The following PDE10A variants were observed in gnomAD, a reference collection of about 807,000 sequenced individuals.
PDE10A encodes cAMP and cAMP-inhibited cGMP 3',5'-cyclic phosphodiesterase 10A.
In PDE10A, 39 loss-of-function variants were observed where a neutral mutation model predicts 97.7. The ratio of observed to expected loss-of-function variants is 0.40; its 90% CI spans 0.31 to 0.52. The LOEUF (loss-of-function observed/expected upper bound fraction) is 0.52. PDE10A is among the 20% of genes least tolerant of loss of function. The pLI, the probability that PDE10A is intolerant of heterozygous loss-of-function variation, is 0.56. For missense variants in PDE10A, 731 were observed against 1,047.8 expected (o/e 0.70, Z 4.17); for synonymous variants, 371 against 376.8 (o/e 0.98, Z 0.18).
intron 1 of PDE10A, among the ~76,000 whole-genome samples, chr6:165,550,129 C>T (rs1265444475): frequency 2.0e-5 from 3 of 152,126 alleles, no homozygotes; most frequent in Non-Finnish European, 4.4e-5. Context: ...TGCCCTAAAA[C>T]ACGTCTTCCT....
chr6:165,707,759 G>A (rs1791754886), intron 1 of PDE10A, among the ~76,000 whole-genome samples: 1 of 152,032 alleles, frequency 6.6e-6, no homozygotes, highest in African/African-American at 2.4e-5. Context: ...GACTGAGTGT[G>A]TGAAAGTGTA....
intron 1 of PDE10A, among the ~76,000 whole-genome samples, chr6:165,893,628 G>T (rs1403239654): frequency 1.3e-5 from 2 of 152,160 alleles, no homozygotes; most frequent in Admixed American, 1.3e-4. Flanking sequence ...CAGCCGGGCA[G>T]CTAGGCCTCT....
At chr6:165,846,652 A>C (rs1780427597) in intron 1 of PDE10A, among the ~76,000 whole-genome samples, 1 of 152,258 alleles carries the variant, frequency 6.6e-6, no homozygotes, top group African/African-American at 2.4e-5. Flanking sequence ...AGGAATCCGA[A>C]AAAGGAGAGC....
chr6:165,850,715 C>T (rs1469589999), intron 1 of PDE10A, among the ~76,000 whole-genome samples: 6 of 152,118 alleles, frequency 3.9e-5, no homozygotes, highest in Non-Finnish European at 1.5e-5. Context: ...TGGTCCAGCT[C>T]TTTTCATAAA....
intron 1 of PDE10A, among the ~76,000 whole-genome samples, chr6:165,762,447 CA>C (rs1554317954): frequency 1.3e-5 from 2 of 149,566 alleles, no homozygotes; most frequent in Non-Finnish European, 3.0e-5. Context: ...AGGCTCATTA[CA>C]ACTTACTGTA....
At position 165,837,906 on chromosome 6, in the gene PDE10A, C is replaced by T. The variant is rs551525632; in HGVS notation, c.-615+149623G>A. ...TTCACCGTGTTAGCCAGGATGGTCT[C>T]GATCTCCTGACCTCGTGATCCGCCT... On this transcript the variant is annotated intron_variant, in intron 1 of 19. Transcript: ENST00000366882. Among the ~76,000 whole-genome samples the T allele has an allele frequency of 3.9e-5, 6 of 152,144 alleles. No homozygotes were observed. In the East Asian group the frequency reaches 1.2e-3, roughly 29 times the overall value.
chr6:165,457,257 T>C (rs1778007912), intron 3 of PDE10A, among the ~76,000 whole-genome samples: 1 of 152,224 alleles, frequency 6.6e-6, no homozygotes. Flanking sequence ...AGTCCCTTCA[T>C]GACTTTCCTA....
At chr6:165,556,686 T>G (rs1030401068) in intron 1 of PDE10A, among the ~76,000 whole-genome samples, 2 of 152,168 alleles carry the variant, frequency 1.3e-5, no homozygotes, top group African/African-American at 2.4e-5. Flanking sequence ...TCAGCCACAA[T>G]GCACACAATG....
At chr6:165,828,883 T>C (rs543023709) in intron 1 of PDE10A, among the ~76,000 whole-genome samples, 12 of 152,224 alleles carry the variant, frequency 7.9e-5, no homozygotes, top group African/African-American at 2.9e-4. Flanking sequence ...AAGCTTTCAG[T>C]GTGCAAGAAG....
intron 1 of PDE10A, among the ~76,000 whole-genome samples, chr6:165,978,225 A>G (rs563905909): frequency 4.7e-4 from 71 of 152,356 alleles, no homozygotes; most frequent in Non-Finnish European, 5.9e-5. Flanking sequence ...AGCCCTTTCT[A>G]AAATCATCAC....
rs111857295 is a variant in PDE10A at position 165,774,512 on chromosome 6, T to G, written c.-615+213017A>C. On this transcript the variant is annotated intron_variant, in intron 1 of 19. Coordinates refer to the PDE10A transcript ENST00000366882. ...TGTATAGATATTTATTACCTATATA[T>G]TTATATATTACATATTATATATAAT... Among the ~76,000 whole-genome samples, 574 of 147,972 alleles carry G rather than the reference T, an allele frequency of 3.9e-3. 3 individuals carry two copies. Among genetic ancestry groups the G allele is most frequent in the African/African-American group, 0.014 (554 of 40,874 alleles).
At position 165,738,019 on chromosome 6, in the gene PDE10A, T is replaced by TTTTG. The variant is rs1792623821; in HGVS notation, c.-614-194452_-614-194451insCAAA. ...TCTTTTTTTTATTTTATTTTATTTT[T>TTTTG]TTATTATTATACTTCAAGTTTTAGG... On this transcript the variant is annotated intron_variant, in intron 1 of 19. Coordinates refer to the PDE10A transcript ENST00000366882. Among the ~76,000 whole-genome samples, 2 of 82,342 alleles carry TTTTG rather than the reference T, an allele frequency of 2.4e-5. 1 individual carries two copies. Among genetic ancestry groups the TTTTG allele is most frequent in the Non-Finnish European group, 5.0e-5 (2 of 39,662 alleles). The allele number at this position is 82,342 out of a possible 152,430, so 54.0% of individuals were successfully genotyped here.
intron 1 of PDE10A, among the ~76,000 whole-genome samples, chr6:165,557,916 G>A (rs943611947): frequency 6.6e-6 from 1 of 152,166 alleles, no homozygotes; most frequent in African/African-American, 2.4e-5. Flanking sequence ...ATGAAGTATA[G>A]CTGACGTGAT....
At chr6:165,720,203 G>C (rs868268332) in intron 1 of PDE10A, among the ~76,000 whole-genome samples, 2 of 150,824 alleles carry the variant, frequency 1.3e-5, no homozygotes, top group East Asian at 3.9e-4. Flanking sequence ...GGGAGAGAGG[G>C]TGTTCCTGTA....
At chr6:165,758,374 T>C (rs56392827) in intron 1 of PDE10A, among the ~76,000 whole-genome samples, 25,588 of 152,060 alleles carry the variant, frequency 0.17, 2,475 homozygotes, top group East Asian at 0.36. Context: ...GGCAGGAGAA[T>C]TGCTGGAGCC....
At chr6:165,863,008 C>T (rs1284249836) in intron 1 of PDE10A, among the ~76,000 whole-genome samples, 2 of 152,204 alleles carry the variant, frequency 1.3e-5, no homozygotes, top group Non-Finnish European at 2.9e-5. Flanking sequence ...CTTTGATTTA[C>T]AATTCTTGAA....
intron 1 of PDE10A, among the ~76,000 whole-genome samples, chr6:165,918,451 C>T (rs1782666494): frequency 6.6e-6 from 1 of 152,156 alleles, no homozygotes; most frequent in Non-Finnish European, 1.5e-5. Context: ...GCTATGGGTA[C>T]TTAAATGATT....
At chr6:165,621,786 G>C (rs1446825361) in intron 1 of PDE10A, among the ~76,000 whole-genome samples, 1 of 151,024 alleles carries the variant, frequency 6.6e-6, no homozygotes, top group African/African-American at 2.4e-5. Flanking sequence ...AGAAGAAGAA[G>C]AAACACAGGA....
At chr6:165,846,377 C>T (rs764680664) in intron 1 of PDE10A, among the ~76,000 whole-genome samples, 6 of 152,242 alleles carry the variant, frequency 3.9e-5, no homozygotes, top group Admixed American at 6.5e-5. Context: ...AAAGTTGTGT[C>T]ACCGAGGAAA....
Sources: allele counts gnomAD v4.1 joint callset (sites outside exome capture counted in the v4.1 genomes callset), GRCh38; gene constraint gnomAD v4.1.1; transcripts MANE v1.5; gene names NCBI Gene and HGNC (gene_info 2026-07-23, HGNC 2026-07-21).